EXD1: variants seen among roughly 807,000 people sequenced by gnomAD.
EXD1 encodes the protein piRNA biogenesis protein EXD1.
Under a neutral mutation model 49.1 loss-of-function variants are expected in EXD1, and 63 were observed. That is an observed-to-expected ratio of 1.28 (90% confidence interval 1.05 to 1.58). The LOEUF (loss-of-function observed/expected upper bound fraction) is 1.58, where lower values mean the gene tolerates loss of function less well. Ranked by LOEUF, EXD1 falls within the 40% of genes most tolerant of loss-of-function variation. The pLI, the probability that EXD1 is intolerant of heterozygous loss-of-function variation, is 0.00. For missense variants in EXD1, 748 were observed against 666.0 expected (o/e 1.12, Z -1.36); for synonymous variants, 234 against 239.2 (o/e 0.98, Z 0.20).
intron 10 of EXD1, 104 bp downstream of exon 10, chr15:41,191,338 A>G (rs2046511443): frequency 9.2e-7 from 1 of 1,087,328 alleles, no homozygotes; most frequent in Non-Finnish European, 1.3e-6. Context: ...CAATGTTCAT[A>G]TGATAACATG....
chr15:41,199,879 T>TA (rs1566981052), intron 7 of EXD1, among the ~76,000 whole-genome samples: 5 of 144,158 alleles, frequency 3.5e-5, no homozygotes, highest in African/African-American at 1.0e-4. Context: ...ATATATATCA[T>TA]ATATATATGA....
At chr15:41,199,822 T>TATA (rs71104782) in intron 7 of EXD1, among the ~76,000 whole-genome samples, 127,360 of 131,072 alleles carry the variant, frequency 0.97, 62,022 homozygotes, top group Non-Finnish European at 1. Context: ...CATATATAGA[T>TATA]ATATGTCAAT....
chr15:41,199,914 A>T (rs1421552166), intron 7 of EXD1, among the ~76,000 whole-genome samples: 2 of 145,298 alleles, frequency 1.4e-5, no homozygotes, highest in African/African-American at 5.1e-5. Flanking sequence ...ATACAGATAT[A>T]TTTTTTTGAG....
chr15:41,199,949 G>C (rs565789386), intron 7 of EXD1, among the ~76,000 whole-genome samples: 1 of 149,422 alleles, frequency 6.7e-6, no homozygotes, highest in Admixed American at 6.8e-5. Context: ...TGTCACCCAG[G>C]CTGGAGTACA....
At position 41,189,941 on chromosome 15, in the gene EXD1, G is replaced by C. The variant is rs758861605; in HGVS notation, c.1052C>G (p.Thr351Ser). The C allele has an allele frequency of 6.2e-7, 1 of 1,613,604 alleles. No homozygotes were observed. The highest frequency in any genetic ancestry group is 8.5e-7 in the Non-Finnish European group (1 of 1,179,768). Residue 351 changes from threonine to serine, a missense_variant, in exon 11 of 12, where the codon ACT becomes AGT. Physicochemically the swap from Thr to Ser is moderately conservative, Grantham distance 58. Transcript: ENST00000458580. ...REGSADRLGG[T>S]EPTCMELPEE... ...AAGACAGAGAGCTGCACCTACCTCA[G>C]TGCCTCCAAGCCGGTCTGCAGACCC...
At chr15:41,204,377 CCT>C (rs1474693444) in intron 7 of EXD1, among the ~76,000 whole-genome samples, 7 of 151,678 alleles carry the variant, frequency 4.6e-5, no homozygotes, top group African/African-American at 1.7e-4. Context: ...ATGGTGAAAC[CCT>C]GTCTCTACTA....
At chr15:41,229,451 A>C (rs1418436511) in intron 1 of EXD1, among the ~76,000 whole-genome samples, 1 of 150,758 alleles carries the variant, frequency 6.6e-6, no homozygotes, top group Non-Finnish European at 1.5e-5. Context: ...AGGCCATTGC[A>C]CTCCAGCCCG....
intron 5 of EXD1, 85 bp from the exon 6 acceptor site, chr15:41,215,918 T>G: frequency 7.4e-7 from 1 of 1,357,140 alleles, no homozygotes. Context: ...CACTCATATA[T>G]TCCTACTGTA....
chr15:41,211,737 A>G (rs921461997), intron 6 of EXD1, among the ~76,000 whole-genome samples: 2 of 149,732 alleles, frequency 1.3e-5, no homozygotes, highest in African/African-American at 5.0e-5. Flanking sequence ...AGGAAGACAG[A>G]CTGCTTGAGT....
chr15:41,215,778 A>T lies in EXD1; in HGVS notation c.444T>A (p.Ala148=), dbSNP rs2046990767. ...AATGATTGAGGACAATACTTACCGC[A>T]GCACCAAACTTCTGCTGGAATTGAT... ...VINQFQQKFG[A]AILHIKKQNV... Residue 148 remains alanine (A), a synonymous_variant, in exon 6 of 12, where the codon GCT becomes GCA. Coordinates refer to ENST00000458580, the MANE Select transcript of EXD1 (RefSeq NM_001286441.2). 3.7e-6 allele frequency: 6 copies of T among 1,613,896 alleles called. No homozygotes were observed. The highest frequency in any genetic ancestry group is 5.1e-6 in the Non-Finnish European group (6 of 1,179,852).
intron 7 of EXD1, among the ~76,000 whole-genome samples, chr15:41,207,328 G>A (rs2046847520): frequency 6.6e-6 from 1 of 151,954 alleles, no homozygotes; most frequent in South Asian, 2.1e-4. Context: ...GATCACCTGA[G>A]GTCGGGAGTT....
intron 11 of EXD1, among the ~76,000 whole-genome samples, chr15:41,189,284 C>CG (rs2046466796): frequency 6.6e-6 from 1 of 151,760 alleles, no homozygotes; most frequent in Non-Finnish European, 1.5e-5. Flanking sequence ...AGGAGAATTC[C>CG]TTGAACCCAG....
At chr15:41,208,010 CAA>C (rs10707284) in intron 7 of EXD1, among the ~76,000 whole-genome samples, 64 of 106,302 alleles carry the variant, frequency 6.0e-4, no homozygotes, top group Non-Finnish European at 5.5e-4. Context: ...GACCCTGCCT[CAA>C]AAAAAAAAAA....
At chr15:41,205,702 G>A (rs2046811568) in intron 7 of EXD1, among the ~76,000 whole-genome samples, 1 of 140,160 alleles carries the variant, frequency 7.1e-6, no homozygotes, top group African/African-American at 2.7e-5. Flanking sequence ...AAAAAAGTAA[G>A]GAAGGAGGGA....
intron 7 of EXD1, among the ~76,000 whole-genome samples, chr15:41,199,723 T>TATATATCACATATATC (rs1555414681): frequency 2.8e-5 from 1 of 36,308 alleles, no homozygotes; most frequent in African/African-American, 7.3e-5. Context: ...TATGATATAT[T>TATATATCACATATATC]ATATATGATA....
chr15:41,222,979 C>A (rs1217025106), intron 2 of EXD1, among the ~76,000 whole-genome samples: 1 of 148,994 alleles, frequency 6.7e-6, no homozygotes, highest in Non-Finnish European at 1.5e-5. Flanking sequence ...GAGGTGGGGT[C>A]TTGTGCTGTT....
intron 7 of EXD1, among the ~76,000 whole-genome samples, chr15:41,207,250 T>A (rs1366569976): frequency 1.3e-5 from 2 of 150,670 alleles, no homozygotes; most frequent in African/African-American, 4.9e-5. Context: ...CAAAAAAAAG[T>A]AGTGCCTCTG....
chr15:41,230,512 G>GGGC lies in EXD1; in HGVS notation c.-90_-88dup. ...AGGAATTCACTGTCCTCCATCGTTA[G>GGGC]GGCTTTTTCCTCCGAAGGAAGTTTG... On this transcript the variant is annotated 5_prime_UTR_variant, in exon 1 of 12. Coordinates refer to ENST00000458580, the MANE Select transcript of EXD1 (RefSeq NM_001286441.2). 6.2e-7 allele frequency: 1 copy of GGGC among 1,614,190 alleles called. No individual in the cohort carries two copies. The highest frequency in any genetic ancestry group is 8.5e-7 in the Non-Finnish European group (1 of 1,180,014).
In EXD1 at chr15:41,184,442, G is replaced by T; in HGVS notation, c.1208C>A (p.Ala403Glu). ...LQPKKLVTET[A>E]GKEEKVKGFL... ...GCCTTTGACTTTCTCCTCTTTCCCT[G>T]CTGTCTCTGTCACTAATTTCTTTGG... is the stretch of plus-strand genomic sequence containing the variant. Residue 403 changes from alanine to glutamate, a missense_variant, in exon 12 of 12, where the codon GCA becomes GAA. Coordinates refer to ENST00000458580, the MANE Select transcript of EXD1 (RefSeq NM_001286441.2). The T allele has an allele frequency of 6.2e-7, 1 of 1,614,058 alleles. No homozygotes were observed.
Sources: allele counts gnomAD v4.1 joint callset (sites outside exome capture counted in the v4.1 genomes callset), GRCh38; gene constraint gnomAD v4.1.1; transcripts MANE v1.5; gene names NCBI Gene and HGNC (gene_info 2026-07-23, HGNC 2026-07-21).